CLCN6: variants seen among roughly 807,000 people sequenced by gnomAD.
The protein encoded by CLCN6 is H(+)/Cl(-) exchange transporter 6.
In CLCN6, 70 loss-of-function variants were observed where a neutral mutation model predicts 109.8. The ratio of observed to expected loss-of-function variants is 0.64; its 90% CI spans 0.53 to 0.78. CLCN6 has a LOEUF of 0.78. Ranked by LOEUF, CLCN6 falls within the 30% of genes least tolerant of loss-of-function variation. The pLI, the probability that CLCN6 is intolerant of heterozygous loss-of-function variation, is 0.00. For missense variants in CLCN6, 984 were observed against 1,142.3 expected (o/e 0.86, Z 2.00); for synonymous variants, 444 against 447.8 (o/e 0.99, Z 0.11).
At chr1:11,822,854 T>G in intron 6 of CLCN6, 53 bp downstream of exon 6, 1 of 1,119,500 alleles carries the variant, frequency 8.9e-7, no homozygotes, top group South Asian at 1.2e-5. Flanking sequence ...AGTCCCGCAC[T>G]CCTTTTCCCC....
intron 2 of CLCN6, 139 bp downstream of exon 2, chr1:11,807,329 A>G (rs1644529970): frequency 1.4e-6 from 1 of 707,218 alleles, no homozygotes; most frequent in Admixed American, 2.5e-5. Context: ...ACTTCCTTCT[A>G]GGAAAGAGAC....
At chr1:11,824,421 A>C in intron 7 of CLCN6, 65 bp from the exon 8 acceptor site, 1 of 1,348,690 alleles carries the variant, frequency 7.4e-7, no homozygotes, top group East Asian at 2.4e-5. Context: ...TTTTGTAGCC[A>C]AGGTCTCCTG....
At position 11,819,532 on chromosome 1, in the gene CLCN6, C is replaced by G; in HGVS notation, c.324C>G (p.Leu108=). 1 of 1,614,204 alleles carries G rather than the reference C, an allele frequency of 6.2e-7. No homozygotes were observed. The highest frequency in any genetic ancestry group is 8.5e-7 in the Non-Finnish European group (1 of 1,180,026). ...TTTTTGTGCGACTCTTCACCCAACT[C>G]AAGTTCGGAGTGGTACAGACATGTA... ...VDFFVRLFTQ[L]KFGVVQTSVE... The change falls in exon 5 of 23, where the codon CTC becomes CTG. Residue 108 remains leucine, a synonymous_variant. Transcript: ENST00000346436.
intron 3 of CLCN6, 121 bp from the exon 4 acceptor site, chr1:11,816,494 C>T (rs1308262652): frequency 1.1e-6 from 1 of 877,304 alleles, no homozygotes; most frequent in African/African-American, 1.7e-5. Context: ...ATCCCAACAT[C>T]ATCTTTACTG....
chr1:11,827,190 CCTT>C lies in CLCN6; in HGVS notation c.812_814del (p.Phe271del), dbSNP rs776489277. On this transcript the variant is annotated inframe_deletion, in exon 10 of 23. Transcript: ENST00000346436. Reference sequence around the variant, plus strand: ...TTGTTCAGTCTAGAGGAGGGTTCGTCCTTCTGGAACCAAGGGCTCACGTGGAAA... The same window carrying C: ...TTGTTCAGTCTAGAGGAGGGTTCGTCCTGGAACCAAGGGCTCACGTGGAAA... 10 of 1,613,004 alleles carry C rather than the reference CCTT, an allele frequency of 6.2e-6. No homozygotes were observed. In the East Asian group the frequency reaches 1.8e-4, roughly 29 times the overall value.
chr1:11,815,691 A>G (rs1025858294), intron 2 of CLCN6, among the ~76,000 whole-genome samples, 155 bp from the exon 3 acceptor site: 3 of 152,198 alleles, frequency 2.0e-5, no homozygotes, highest in African/African-American at 7.2e-5. Context: ...CACCGCACCC[A>G]GCCAGATTCT....
At chr1:11,823,524 G>A (rs568036066) in intron 6 of CLCN6, among the ~76,000 whole-genome samples, 183 bp from the exon 7 acceptor site, 30 of 151,314 alleles carry the variant, frequency 2.0e-4, no homozygotes, top group Admixed American at 3.9e-4. Flanking sequence ...TTGCCCCTCA[G>A]ACCTCCTGAG....
At position 11,834,515 on chromosome 1, in the gene CLCN6, A is replaced by G; in HGVS notation, c.1718A>G (p.Lys573Arg). 6.2e-7 allele frequency: 1 copy of G among 1,614,020 alleles called. No individual in the cohort carries two copies. Among genetic ancestry groups the G allele is most frequent in the South Asian group, 1.1e-5 (1 of 91,070 alleles). ...VAKWTGDFFN[K>R]GIYDIHVGLR... ...AAATGGACAGGGGACTTTTTCAATA[A>G]GGGCATTTATGATATCCACGTGGGC... Residue 573 changes from lysine (K) to arginine (R), a missense_variant, in exon 17 of 23, where the codon AAG (lysine) becomes AGG (arginine). Lys to Arg is a conservative substitution (Grantham distance 26, BLOSUM62 2). Transcript: ENST00000346436. This position sits in a 1 kb window ranked among gnomAD's most constrained non-coding sequence, Gnocchi z 4.5.
chr1:11,808,425 G>A (rs1356959458), intron 2 of CLCN6, among the ~76,000 whole-genome samples: 1 of 151,986 alleles, frequency 6.6e-6, no homozygotes, highest in African/African-American at 2.4e-5. Context: ...AAGAAATTCT[G>A]TACATCATAT....
intron 2 of CLCN6, among the ~76,000 whole-genome samples, chr1:11,809,935 A>G (rs953970359): frequency 6.6e-5 from 10 of 152,238 alleles, no homozygotes; most frequent in Non-Finnish European, 1.5e-4. Context: ...TGACACAAAA[A>G]GTATAATAAA....
chr1:11,826,428 A>G lies in CLCN6; in HGVS notation c.707+214A>G, dbSNP rs112700167. Among the ~76,000 whole-genome samples, 57 of 152,358 alleles carry G rather than the reference A, an allele frequency of 3.7e-4. 1 individual carries two copies. Among genetic ancestry groups the G allele is most frequent in the Middle Eastern group, 6.8e-3 (2 of 294 alleles). ...ATTTTGTCATGCCGTAAGGCCTAGA[A>G]GCATCTCAGGCAAATGAAGATGGTC... On this transcript the variant is annotated intron_variant, in intron 9 of 22. Transcript: ENST00000346436.
rs777280274 is a variant in CLCN6 at position 11,837,406 on chromosome 1, G to A, written c.2202G>A (p.Glu734=). The A allele has an allele frequency of 6.8e-6, 11 of 1,614,190 alleles. No individual in the cohort carries two copies. Among genetic ancestry groups the A allele is most frequent in the Non-Finnish European group, 9.3e-6 (11 of 1,180,008 alleles). ...CAAGTGAAGACTGGACCATGGAGGA[G>A]CGGTTCCGCCCTCTGACCTTCCACG... ...QSPSEDWTME[E]RFRPLTFHGL... Residue 734 remains glutamate (E), a synonymous_variant, in exon 20 of 23, where the codon GAG becomes GAA. Transcript: ENST00000346436.
chr1:11,808,229 G>T (rs1414560691), intron 2 of CLCN6, among the ~76,000 whole-genome samples: 1 of 16,094 alleles, frequency 6.2e-5, no homozygotes, highest in Admixed American at 9.2e-4. Context: ...GTGTGTGTTT[G>T]TGTGTGTGTG....
intron 5 of CLCN6, among the ~76,000 whole-genome samples, chr1:11,821,100 CA>C (rs1294038376): frequency 6.9e-6 from 1 of 144,430 alleles, no homozygotes; most frequent in East Asian, 2.0e-4. Flanking sequence ...AAAAAAAAAA[CA>C]AACAAAATCA....
rs775384402 is a variant in CLCN6, at chr1:11,828,232, C to CT, written c.954+16dup. On this transcript the variant is annotated intron_variant, in intron 11 of 22. Coordinates refer to ENST00000346436, the MANE Select transcript of CLCN6 (RefSeq NM_001286.5). ...TGGCGAGTTTAAGGTATGTTTTGTC[C>CT]TTTCCCCAAGGATTTTTAATTTGAC... 1.9e-6 allele frequency: 3 copies of CT among 1,603,350 alleles called. No individual in the cohort carries two copies. The Admixed American group carries it at 5.0e-5, about 27-fold the overall frequency.
intron 13 of CLCN6, among the ~76,000 whole-genome samples, chr1:11,832,321 G>A (rs1644892232): frequency 1.3e-5 from 2 of 152,256 alleles, no homozygotes. Flanking sequence ...CCTGTGCTCA[G>A]CTTTTAGCAG....
At chr1:11,817,276 G>A (rs1039707265) in intron 4 of CLCN6, among the ~76,000 whole-genome samples, 3 of 152,140 alleles carry the variant, frequency 2.0e-5, no homozygotes, top group Admixed American at 1.3e-4. Flanking sequence ...GCGAAGTCGT[G>A]GGTACGGAAC....
At chr1:11,829,432 A>G in intron 13 of CLCN6, 110 bp downstream of exon 13, 3 of 1,274,234 alleles carry the variant, frequency 2.4e-6, no homozygotes, top group Non-Finnish European at 3.3e-6. Flanking sequence ...ATCCTTCCAC[A>G]CCCATTACCT....
chr1:11,832,485 A>C (rs1415814741), intron 13 of CLCN6, among the ~76,000 whole-genome samples: 2 of 152,068 alleles, frequency 1.3e-5, no homozygotes, highest in East Asian at 3.9e-4. Flanking sequence ...TCCCCCGTGC[A>C]CTCCACAACG....
Sources: allele counts gnomAD v4.1 joint callset (sites outside exome capture counted in the v4.1 genomes callset), GRCh38; gene constraint gnomAD v4.1.1; non-coding constraint Gnocchi (gnomAD v3.1); transcripts MANE v1.5; gene names NCBI Gene and HGNC (gene_info 2026-07-23, HGNC 2026-07-21).